COL4A1: variants seen among roughly 807,000 people sequenced by gnomAD.
The protein encoded by COL4A1 is collagen type IV alpha 1 chain.
A neutral mutation model predicts 216.6 loss-of-function variants in COL4A1; 40 were observed. That is an observed-to-expected ratio of 0.18 (90% confidence interval 0.14 to 0.24). The LOEUF is 0.24. Among genes scored for constraint, COL4A1 ranks in the 10% least tolerant of loss-of-function variants. COL4A1 has a pLI of 1.00. For missense variants in COL4A1, 1,628 were observed against 2,196.8 expected (o/e 0.74, Z 5.18); for synonymous variants, 839 against 810.7 (o/e 1.03, Z -0.59).
At chr13:110,175,418 A>C in intron 36 of COL4A1, 61 bp from the exon 37 acceptor site, 2 of 1,606,660 alleles carry the variant, frequency 1.2e-6, no homozygotes, top group South Asian at 2.2e-5. Flanking sequence ...TTACAAATGA[A>C]AAAGTGCCTC....
At chr13:110,263,429 GAGC>G (rs1394923969) in intron 1 of COL4A1, among the ~76,000 whole-genome samples, 3 of 152,160 alleles carry the variant, frequency 2.0e-5, no homozygotes, top group African/African-American at 7.2e-5. Context: ...GCATTAAAAT[GAGC>G]AAGCTGCGTA....
chr13:110,203,848 A>G, intron 17 of COL4A1, among the ~76,000 whole-genome samples: 1 of 146,492 alleles, frequency 6.8e-6, no homozygotes, highest in African/African-American at 2.8e-5. Context: ...TTGGGGGCTA[A>G]TTATTCTCCT....
At chr13:110,156,753 A>G (rs1008334173) in intron 49 of COL4A1, among the ~76,000 whole-genome samples, 1 of 152,262 alleles carries the variant, frequency 6.6e-6, no homozygotes, top group African/African-American at 2.4e-5. Context: ...ATGCTGATAA[A>G]TGACTATAAA....
rs377437512 is a variant in COL4A1 at position 110,231,416 on chromosome 13, C to T, written c.144+11259G>A. ...ATTTGGAGGCGTAAATCATGGGCCA[C>T]CGCACCTGAGCGGCTGCCTGAGCTT... On this transcript the variant is annotated intron_variant, in intron 2 of 51. Transcript: ENST00000375820. Among the ~76,000 whole-genome samples the T allele has an allele frequency of 7.2e-5, 11 of 152,338 alleles. No individual in the cohort carries two copies. In the South Asian group the frequency reaches 2.3e-3, roughly 32 times the overall value.
At chr13:110,240,464 T>C (rs527953776) in intron 2 of COL4A1, among the ~76,000 whole-genome samples, 1 of 152,312 alleles carries the variant, frequency 6.6e-6, no homozygotes, top group East Asian at 1.9e-4. Context: ...GCATGGAGCC[T>C]CCCTCGGGAC....
At chr13:110,158,681 A>G (rs1157006182) in intron 49 of COL4A1, among the ~76,000 whole-genome samples, 2 of 152,078 alleles carry the variant, frequency 1.3e-5, no homozygotes, top group Admixed American at 6.5e-5. Context: ...CTTCTTAGTC[A>G]AATGAATTTG....
At chr13:110,210,337 C>T in intron 8 of COL4A1, 125 bp from the exon 9 acceptor site, 1 of 878,238 alleles carries the variant, frequency 1.1e-6, no homozygotes, top group South Asian at 1.4e-5. Flanking sequence ...GATTTAGACC[C>T]CGTCTACACT....
chr13:110,206,013 G>C (rs1594580367), intron 15 of COL4A1, among the ~76,000 whole-genome samples: 3 of 151,842 alleles, frequency 2.0e-5, no homozygotes, highest in Admixed American at 1.3e-4. Context: ...AAGTAATATT[G>C]TATATGATGA....
chr13:110,210,093 G>A (rs1482282898), intron 9 of COL4A1, 36 bp downstream of exon 9: 1 of 1,613,724 alleles, frequency 6.2e-7, no homozygotes, highest in Admixed American at 1.7e-5. Flanking sequence ...GGAGGGTGAG[G>A]TGGCACATGT....
intron 46 of COL4A1, among the ~76,000 whole-genome samples, chr13:110,164,416 A>G (rs1421489423): frequency 1.3e-5 from 2 of 152,220 alleles, no homozygotes; most frequent in Non-Finnish European, 2.9e-5. Context: ...GTTTCACTCA[A>G]ATAAGCAGAA....
chr13:110,219,690 G>GTATACATGTATATATGTA (rs1880298386), intron 2 of COL4A1, among the ~76,000 whole-genome samples: 5 of 135,090 alleles, frequency 3.7e-5, no homozygotes, highest in African/African-American at 1.5e-4. Context: ...GTATATATAT[G>GTATACATGTATATATGTA]TATATATATG....
intron 1 of COL4A1, among the ~76,000 whole-genome samples, chr13:110,287,387 C>T (rs367705575): frequency 1.5e-4 from 23 of 152,222 alleles, no homozygotes; most frequent in African/African-American, 5.3e-4. Context: ...TCCCCTACTT[C>T]GTGCCCACAA....
Position 110,213,718 on chromosome 13 carries a change from C to T in COL4A1, c.279+64G>A, listed in dbSNP as rs3737328. On this transcript the variant is annotated intron_variant, in intron 4 of 51. Coordinates refer to ENST00000375820, the MANE Select transcript of COL4A1 (RefSeq NM_001845.6). ...AAGGAGAAAGGAGGGAAAAGGTGCC[C>T]GGCTCTGGAAGCGGGCCTGTCCCAC... The T allele has an allele frequency of 0.23, 354,893 of 1,530,950 alleles. 41,887 individuals carry two copies. Among genetic ancestry groups the T allele is most frequent in the East Asian group, 0.3 (13,207 of 44,414 alleles). The allele number at this position is 1,530,950 out of a possible 1,614,324, so 94.8% of individuals were successfully genotyped here.
intron 44 of COL4A1, among the ~76,000 whole-genome samples, chr13:110,166,926 A>G (rs1359205799): frequency 6.6e-6 from 1 of 152,240 alleles, no homozygotes; most frequent in South Asian, 2.1e-4. Flanking sequence ...TTATTGAGAT[A>G]TTAATGATCC....
chr13:110,290,316 C>A, intron 1 of COL4A1, among the ~76,000 whole-genome samples: 1 of 152,204 alleles, frequency 6.6e-6, no homozygotes. Flanking sequence ...CCAGACTCCC[C>A]AGAGGGAACA....
In COL4A1 at chr13:110,149,291, T is replaced by C. The variant is rs1297860053; in HGVS notation, c.*1072A>G. On this transcript the variant is annotated 3_prime_UTR_variant, in exon 52 of 52. Coordinates refer to ENST00000375820, the MANE Select transcript of COL4A1 (RefSeq NM_001845.6). ...GAAATGGCCCGAATGTGCTTACGTGTGAAAATACTGATACTGTGATTCAAC... is the reference window on the plus strand; with the variant it reads ...GAAATGGCCCGAATGTGCTTACGTGCGAAAATACTGATACTGTGATTCAAC... 6.5e-6 allele frequency: 1 copy of C among 154,754 alleles called. No individual in the cohort carries two copies. The highest frequency in any genetic ancestry group is 1.5e-5 in the Non-Finnish European group (1 of 68,214). The allele number at this position is 154,754 out of a possible 1,614,324, so 9.6% of individuals were successfully genotyped here.
Position 110,242,786 on chromosome 13 carries a change from G to A in COL4A1, c.85-52C>T, listed in dbSNP as rs761688440. On this transcript the variant is annotated intron_variant, in intron 1 of 51. Coordinates refer to ENST00000375820, the MANE Select transcript of COL4A1 (RefSeq NM_001845.6). ...ATAGAAGAACACTTTCAAAGCGAGG[G>A]CACTATGCAAATGGAGATGGTTCTG... The A allele has an allele frequency of 3.7e-5, 58 of 1,587,408 alleles. No homozygotes were observed. The Middle Eastern group carries it at 1.0e-3, about 27-fold the overall frequency.
At position 110,149,264 on chromosome 13, in the gene COL4A1, C is replaced by G. The variant is rs193065628; in HGVS notation, c.*1099G>C. On this transcript the variant is annotated 3_prime_UTR_variant, in exon 52 of 52. Coordinates refer to ENST00000375820, the MANE Select transcript of COL4A1 (RefSeq NM_001845.6). ...TGTGAACACAGCTCATGAGAAACCA[C>G]GGAAATGGCCCGAATGTGCTTACGT... 1 of 154,738 alleles carries G rather than the reference C, an allele frequency of 6.5e-6. No individual in the cohort carries two copies. The highest frequency in any genetic ancestry group is 2.0e-4 in the South Asian group (1 of 4,922). 9.6% of individuals were successfully genotyped at this position (154,738 alleles called of 1,614,324 possible).
intron 40 of COL4A1, among the ~76,000 whole-genome samples, chr13:110,173,525 C>T (rs1312140425): frequency 6.6e-6 from 1 of 151,986 alleles, no homozygotes; most frequent in Non-Finnish European, 1.5e-5. Flanking sequence ...AACCATTTCC[C>T]CTCAAATGGG....
Sources: allele counts gnomAD v4.1 joint callset (sites outside exome capture counted in the v4.1 genomes callset), GRCh38; gene constraint gnomAD v4.1.1; transcripts MANE v1.5; gene names NCBI Gene and HGNC (gene_info 2026-07-23, HGNC 2026-07-21).